SYT1: variants seen among roughly 807,000 people sequenced by gnomAD.
SYT1 encodes the protein synaptotagmin 1, also known as synaptotagmin-1.
SYT1 carries 8 observed loss-of-function variants against 44.8 expected under a neutral mutation model. That is an observed-to-expected ratio of 0.18 (90% CI 0.10 to 0.32). The LOEUF is 0.32. Ranked by LOEUF, SYT1 falls within the 10% of genes least tolerant of loss-of-function variation. The pLI is 1.00. For synonymous variants in SYT1, 154 were observed against 188.8 expected (o/e 0.82, Z 1.51); for missense variants, 286 against 509.3 (o/e 0.56, Z 4.22).
chr12:79,265,491 C>A (rs556658336), intron 4 of SYT1, among the ~76,000 whole-genome samples: 1 of 151,988 alleles, frequency 6.6e-6, no homozygotes, highest in Non-Finnish European at 1.5e-5. Flanking sequence ...CTAACTGATA[C>A]GTTTACAAAA....
chr12:79,056,360 C>T (rs1430939914), intron 3 of SYT1, among the ~76,000 whole-genome samples: 1 of 152,018 alleles, frequency 6.6e-6, no homozygotes, highest in African/African-American at 2.4e-5. Flanking sequence ...CAGGAGCCCT[C>T]TCCTTGAAGG....
chr12:78,897,397 A>ATTGTT (rs370586558), intron 1 of SYT1, among the ~76,000 whole-genome samples: 221 of 152,058 alleles, frequency 1.5e-3, no homozygotes, highest in African/African-American at 4.3e-3. Context: ...CAGAAGCTAG[A>ATTGTT]TTGTTTTGTT....
At chr12:79,123,353 T>TGTGTG in intron 3 of SYT1, among the ~76,000 whole-genome samples, 1 of 88,366 alleles carries the variant, frequency 1.1e-5, no homozygotes, top group Non-Finnish European at 2.6e-5. Context: ...GTGTGTGTGT[T>TGTGTG]TAGCTATCAT....
At chr12:78,981,579 T>C (rs1456507352) in intron 2 of SYT1, among the ~76,000 whole-genome samples, 1 of 152,124 alleles carries the variant, frequency 6.6e-6, no homozygotes, top group Non-Finnish European at 1.5e-5. Context: ...TAATGAATCT[T>C]TGGCCTTCTA....
chr12:79,093,606 A>G (rs1439064515), intron 3 of SYT1, among the ~76,000 whole-genome samples: 1 of 151,638 alleles, frequency 6.6e-6, no homozygotes, highest in Non-Finnish European at 1.5e-5. Context: ...TTAACCTTAC[A>G]ATATTTTCTC....
intron 2 of SYT1, among the ~76,000 whole-genome samples, chr12:79,008,562 A>G (rs2137560844): frequency 6.6e-6 from 1 of 152,286 alleles, no homozygotes; most frequent in Middle Eastern, 3.4e-3. Context: ...GAAGTGATTT[A>G]GACTATAATA....
At position 79,440,929 on chromosome 12, in the gene SYT1, G is replaced by A. The variant is rs534580338; in HGVS notation, c.929-3144G>A. On this transcript the variant is annotated intron_variant, in intron 9 of 10. Coordinates refer to ENST00000261205, the MANE Select transcript of SYT1 (RefSeq NM_005639.3). Reference sequence around the variant, plus strand: ...AGCTAAGCAAGAGATTAGGGATATCGCTAAAGGGACCCAAGTTCAGGACGA... The same window carrying A: ...AGCTAAGCAAGAGATTAGGGATATCACTAAAGGGACCCAAGTTCAGGACGA... Among the ~76,000 whole-genome samples, 23 of 152,256 alleles carry A rather than the reference G, an allele frequency of 1.5e-4. No individual in the cohort carries two copies. The Middle Eastern group carries it at 0.01, about 68-fold the overall frequency.
At chr12:79,438,761 C>T (rs1020048043) in intron 9 of SYT1, among the ~76,000 whole-genome samples, 2 of 152,180 alleles carry the variant, frequency 1.3e-5, no homozygotes, top group African/African-American at 4.8e-5. Context: ...TCTCACATGG[C>T]ATAGTCAGTG....
At chr12:79,259,630 A>T (rs1877720306) in intron 4 of SYT1, among the ~76,000 whole-genome samples, 1 of 152,172 alleles carries the variant, frequency 6.6e-6, no homozygotes, top group South Asian at 2.1e-4. Flanking sequence ...GCTACTCAGG[A>T]GGCTGAGGCA....
chr12:78,990,923 A>T (rs950086758), intron 2 of SYT1, among the ~76,000 whole-genome samples: 1 of 152,182 alleles, frequency 6.6e-6, no homozygotes, highest in Non-Finnish European at 1.5e-5. Flanking sequence ...TACTTTGACA[A>T]GTACATGAAG....
rs746722709 is a variant in SYT1 at position 79,441,285 on chromosome 12, TTTG to T, written c.929-2766_929-2764del. Among the ~76,000 whole-genome samples the T allele has an allele frequency of 9.8e-3, 1,492 of 152,016 alleles. 10 individuals carry two copies. Among genetic ancestry groups the T allele is most frequent in the Non-Finnish European group, 0.013 (907 of 67,930 alleles). ...AAACCTGCTCCGCTTTCAGCCCTGT[TTTG>T]TTGTTGTTGTTGTTGTTGTTGCTGC... On this transcript the variant is annotated intron_variant, in intron 9 of 10. Coordinates refer to ENST00000261205, the MANE Select transcript of SYT1 (RefSeq NM_005639.3).
intron 8 of SYT1, among the ~76,000 whole-genome samples, chr12:79,338,281 T>A (rs1882181046): frequency 6.6e-6 from 1 of 151,414 alleles, no homozygotes; most frequent in Admixed American, 6.6e-5. Flanking sequence ...TTTTCCTTTT[T>A]TTTTTTCTTT....
intron 1 of SYT1, among the ~76,000 whole-genome samples, chr12:78,963,359 GA>G (rs1158759418): frequency 6.6e-6 from 1 of 152,024 alleles, no homozygotes; most frequent in Non-Finnish European, 1.5e-5. Context: ...CACAGTAAAG[GA>G]AACGATGGCG....
intron 8 of SYT1, among the ~76,000 whole-genome samples, chr12:79,320,406 C>T (rs1024875821): frequency 6.6e-6 from 1 of 152,170 alleles, no homozygotes; most frequent in African/African-American, 2.4e-5. Flanking sequence ...TAAATTGCAG[C>T]ATTTCTGCCT....
chr12:79,261,973 T>A lies in SYT1; in HGVS notation c.167-23814T>A, dbSNP rs1161680953. On this transcript the variant is annotated intron_variant, in intron 4 of 10. Coordinates refer to ENST00000261205, the MANE Select transcript of SYT1 (RefSeq NM_005639.3). Reference sequence around the variant, plus strand: ...CACAGTAAAATCTACACATAAACATTCATTTTAATTTAAAATCAAATTATA... The same window carrying A: ...CACAGTAAAATCTACACATAAACATACATTTTAATTTAAAATCAAATTATA... Among the ~76,000 whole-genome samples, 4 of 152,216 alleles carry A rather than the reference T, an allele frequency of 2.6e-5. No individual in the cohort carries two copies. The East Asian group carries it at 7.7e-4, about 29-fold the overall frequency.
chr12:79,196,456 G>T (rs575618285), intron 3 of SYT1, among the ~76,000 whole-genome samples: 1 of 152,004 alleles, frequency 6.6e-6, no homozygotes, highest in African/African-American at 2.4e-5. Flanking sequence ...ATGAGCCATC[G>T]CACCCGGCTG....
intron 4 of SYT1, among the ~76,000 whole-genome samples, chr12:79,222,098 A>G (rs1459812310): frequency 1.3e-5 from 2 of 151,988 alleles, no homozygotes; most frequent in Admixed American, 1.3e-4. Flanking sequence ...TTTTTTCTTC[A>G]GCATGTTTTA....
chr12:79,219,677 G>A (rs1875034595), intron 4 of SYT1, among the ~76,000 whole-genome samples: 1 of 151,932 alleles, frequency 6.6e-6, no homozygotes, highest in South Asian at 2.1e-4. Context: ...TTCTTTCTGG[G>A]TTCTCTTTCT....
intron 9 of SYT1, among the ~76,000 whole-genome samples, chr12:79,389,788 A>G (rs1884578842): frequency 6.6e-6 from 1 of 152,200 alleles, no homozygotes; most frequent in Admixed American, 6.5e-5. Context: ...TAGCTCTAGA[A>G]GTATCCAAGA....
Sources: allele counts gnomAD v4.1 joint callset (sites outside exome capture counted in the v4.1 genomes callset), GRCh38; gene constraint gnomAD v4.1.1; transcripts MANE v1.5; gene names NCBI Gene and HGNC (gene_info 2026-07-23, HGNC 2026-07-21).